Variants in QNG1 observed in about 807,000 individuals in gnomAD.
QNG1 encodes the protein Q-nucleotide N-glycosylase 1, also known as queuosine 5'-phosphate N-glycosylase/hydrolase.
chr9:83,948,514 G>GC, the QNG1 span, among the ~76,000 whole-genome samples: 3 of 148,358 alleles, frequency 2.0e-5, no homozygotes, highest in African/African-American at 5.0e-5. Flanking sequence ...TGTCCGGGAG[G>GC]GGGGGGGCGC....
chr9:83,950,300 G>A, the QNG1 span, among the ~76,000 whole-genome samples: 5 of 151,552 alleles, frequency 3.3e-5, no homozygotes, highest in South Asian at 2.1e-4. Flanking sequence ...CACCTGCCTC[G>A]GCCTCCCAAA....
chr9:83,956,619 G>A, the QNG1 span: 1 of 793,574 alleles, frequency 1.3e-6, no homozygotes, highest in Non-Finnish European at 1.9e-6. Flanking sequence ...GTCCCGCCCT[G>A]CCAGGGAGTG....
At chr9:83,939,475 G>T in the QNG1 span, 1 of 1,376,580 alleles carries the variant, frequency 7.3e-7, no homozygotes, top group Non-Finnish European at 1.0e-6. Context: ...GATATAAAAC[G>T]CAGGGGGTTT....
chr9:83,950,552 A>G, the QNG1 span, among the ~76,000 whole-genome samples: 11 of 151,826 alleles, frequency 7.2e-5, no homozygotes, highest in African/African-American at 1.2e-4. Context: ...ATAATTGTCA[A>G]TAAAAAGCTC....
the QNG1 span, among the ~76,000 whole-genome samples, chr9:83,942,233 A>G: frequency 6.6e-6 from 1 of 152,262 alleles, no homozygotes; most frequent in Non-Finnish European, 1.5e-5. Context: ...TATGGGATAG[A>G]ACATGGACTT....
chr9:83,944,398 T>G, the QNG1 span, among the ~76,000 whole-genome samples: 4 of 152,216 alleles, frequency 2.6e-5, no homozygotes, highest in African/African-American at 4.8e-5. Flanking sequence ...AGTGCAGACC[T>G]TGGAGTCTCT....
the QNG1 span, among the ~76,000 whole-genome samples, chr9:83,948,417 G>A: frequency 3.5e-5 from 5 of 143,420 alleles, no homozygotes; most frequent in Non-Finnish European, 4.7e-5. Context: ...CGCCCCGTCC[G>A]GGAGGGAGGT....
chr9:83,955,638 T>A, the QNG1 span: 1 of 1,608,906 alleles, frequency 6.2e-7, no homozygotes, highest in Middle Eastern at 1.7e-4. Flanking sequence ...GTTATTGGTA[T>A]CCCTTTAGTG....
At chr9:83,948,684 C>G in the QNG1 span, among the ~76,000 whole-genome samples, 1 of 152,174 alleles carries the variant, frequency 6.6e-6, no homozygotes, top group African/African-American at 2.4e-5. Context: ...AAAGAGGGAT[C>G]GGATTGTTAC....
At chr9:83,956,204 G>C in the QNG1 span, 1 of 1,613,220 alleles carries the variant, frequency 6.2e-7, no homozygotes, top group Admixed American at 1.7e-5. Context: ...ACAGGGACCA[G>C]TACCCACTGT....
At chr9:83,955,665 A>G in the QNG1 span, 1 of 1,604,602 alleles carries the variant, frequency 6.2e-7, no homozygotes. Flanking sequence ...TAAAATTCAG[A>G]GGACCAATGT....
At chr9:83,953,853 A>G in the QNG1 span, 1 of 1,515,170 alleles carries the variant, frequency 6.6e-7, no homozygotes, top group Non-Finnish European at 9.0e-7. Context: ...ACTGTGTATG[A>G]AAAAGAAAAC....
the QNG1 span, chr9:83,953,741 TC>T: frequency 1.4e-6 from 2 of 1,436,592 alleles, no homozygotes; most frequent in Non-Finnish European, 1.9e-6. Context: ...CACTGCAACC[TC>T]CCCCTCCCAG....
chr9:83,947,831 C>A, the QNG1 span, among the ~76,000 whole-genome samples: 1 of 152,212 alleles, frequency 6.6e-6, no homozygotes, highest in African/African-American at 2.4e-5. Context: ...GTTGCCCAGG[C>A]TAGAGTGCAG....
chr9:83,950,124 A>G, the QNG1 span, among the ~76,000 whole-genome samples: 1 of 147,002 alleles, frequency 6.8e-6, no homozygotes, highest in Non-Finnish European at 1.5e-5. Context: ...ATCTCGGCTC[A>G]CTGCAACCTC....
the QNG1 span, chr9:83,944,836 C>T: frequency 6.2e-7 from 1 of 1,613,788 alleles, no homozygotes; most frequent in Non-Finnish European, 8.5e-7. Context: ...TATTTCAGGG[C>T]TCCAAGATGA....
At chr9:83,948,129 C>T in the QNG1 span, among the ~76,000 whole-genome samples, 3 of 150,604 alleles carry the variant, frequency 2.0e-5, no homozygotes, top group Admixed American at 6.6e-5. Flanking sequence ...CCCGCCGCCC[C>T]GTCTGGGATG....
the QNG1 span, among the ~76,000 whole-genome samples, chr9:83,943,113 G>T: frequency 3.3e-5 from 5 of 152,178 alleles, no homozygotes; most frequent in Middle Eastern, 3.4e-3. Flanking sequence ...AGGCTGAGGA[G>T]GGTGGATCAT....
the QNG1 span, chr9:83,955,349 GA>G: frequency 1.9e-6 from 3 of 1,600,534 alleles, no homozygotes; most frequent in Non-Finnish European, 2.6e-6. Flanking sequence ...AGATGATTAA[GA>G]CTTCTAAAAT....
Sources: gnomAD v4.1 joint callset for allele counts (sites outside exome capture counted in the v4.1 genomes callset) on GRCh38, gnomAD v4.1.1 for gene constraint, MANE v1.5 for transcripts, NCBI Gene and HGNC (gene_info 2026-07-23, HGNC 2026-07-21) for gene names.